The following SMIM8 variants were observed in gnomAD, a reference collection of about 807,000 sequenced individuals.
SMIM8 encodes the protein small integral membrane protein 8.
In SMIM8, 8 loss-of-function variants were observed where a neutral mutation model predicts 8.1. That is an observed-to-expected ratio of 0.99 (90% CI 0.58 to 1.78). SMIM8 has a LOEUF of 1.78. Among genes scored for constraint, SMIM8 ranks in the 40% most tolerant of loss-of-function variants. The probability of loss-of-function intolerance (pLI) is 0.00; values close to 1 mark genes in which losing one functional copy is unlikely to be tolerated. For synonymous variants in SMIM8, 45 were observed against 39.7 expected (o/e 1.13, Z -0.50); for missense variants, 126 against 119.8 (o/e 1.05, Z -0.24).
At position 87,342,045 on chromosome 6, in the gene SMIM8, A is replaced by G. The variant is rs569787782; in HGVS notation, c.*1771A>G. 5 of 152,382 alleles carry G rather than the reference A, an allele frequency of 3.3e-5. No homozygotes were observed. In the South Asian group the frequency reaches 1.0e-3, roughly 32 times the overall value. 9.4% of individuals were successfully genotyped at this position (152,382 alleles called of 1,614,324 possible). On this transcript the variant is annotated 3_prime_UTR_variant, in exon 4 of 4. Coordinates refer to ENST00000392863, the MANE Select transcript of SMIM8 (RefSeq NM_001042493.3). ...AGTGCAGGAGGGCAACAGAAACTGT[A>G]CAAGGTGCAGACTTGAGTCATGTAA...
intron 1 of SMIM8, among the ~76,000 whole-genome samples, chr6:87,326,399 C>T (rs1342408814): frequency 3.9e-5 from 6 of 151,960 alleles, no homozygotes; most frequent in East Asian, 1.9e-4. Context: ...ATCTTGTGGG[C>T]ATTTAGGGCT....
At chr6:87,334,193 C>CTTCA (rs904292429) in intron 2 of SMIM8, among the ~76,000 whole-genome samples, 1 of 152,190 alleles carries the variant, frequency 6.6e-6, no homozygotes, top group African/African-American at 2.4e-5. Flanking sequence ...CAGGCTCCAC[C>CTTCA]TTCAACACTG....
rs571748543 is a variant in SMIM8, at chr6:87,340,867, A to G, written c.*593A>G. The G allele has an allele frequency of 3.2e-5, 5 of 155,196 alleles. No homozygotes were observed. The South Asian group carries it at 1.0e-3, about 32-fold the overall frequency. 9.6% of individuals were successfully genotyped at this position (155,196 alleles called of 1,614,324 possible). Reference sequence around the variant, plus strand: ...ATTTTTGGGACAGAATTTTATTTTAATGGAAAAGATCCTTCCACTCAGCTA... The same window carrying G: ...ATTTTTGGGACAGAATTTTATTTTAGTGGAAAAGATCCTTCCACTCAGCTA... On this transcript the variant is annotated 3_prime_UTR_variant, in exon 4 of 4. Transcript: ENST00000392863.
At position 87,340,213 on chromosome 6, in the gene SMIM8, A is replaced by C. The variant is rs776674217; in HGVS notation, c.233A>C (p.Tyr78Ser). Reference sequence around the variant, plus strand: ...ATACAAGAGAATAAAAAGGACCTCTATGAAGCTATTGATAGTGAGGGGCAC... The same window carrying C: ...ATACAAGAGAATAAAAAGGACCTCTCTGAAGCTATTGATAGTGAGGGGCAC... ...HAIQENKKDL[Y>S]EAIDSEGHSY... is the part of the protein sequence containing the mutation. Residue 78 changes from tyrosine to serine, a missense_variant, in exon 4 of 4, where the codon TAT (tyrosine) becomes TCT (serine). Coordinates refer to ENST00000392863, the MANE Select transcript of SMIM8 (RefSeq NM_001042493.3). The C allele has an allele frequency of 6.2e-7, 1 of 1,611,794 alleles. No individual in the cohort carries two copies. Among genetic ancestry groups the C allele is most frequent in the Admixed American group, 1.7e-5 (1 of 59,524 alleles).
intron 1 of SMIM8, chr6:87,329,399 C>G (rs566350704): frequency 6.6e-6 from 1 of 152,440 alleles, no homozygotes. Flanking sequence ...CTCAGCCTCC[C>G]GAGGAGCTGG....
At chr6:87,330,199 A>T (rs1022160046) in intron 1 of SMIM8, among the ~76,000 whole-genome samples, 21 of 152,336 alleles carry the variant, frequency 1.4e-4, no homozygotes, top group African/African-American at 4.3e-4. Context: ...GTGAAACTAT[A>T]AAAAAGTGTA....
chr6:87,328,508 G>C (rs992506271), intron 1 of SMIM8, among the ~76,000 whole-genome samples: 2 of 151,660 alleles, frequency 1.3e-5, no homozygotes, highest in Non-Finnish European at 2.9e-5. Flanking sequence ...GGAGTACCCG[G>C]CCGTGTGAGG....
chr6:87,324,642 T>C (rs1776769858), intron 1 of SMIM8, among the ~76,000 whole-genome samples: 1 of 122,298 alleles, frequency 8.2e-6, no homozygotes, highest in Admixed American at 7.6e-5. Flanking sequence ...TCTGTTTTGG[T>C]ACCAGTACCA....
Position 87,340,354 on chromosome 6 carries a change from A to G in SMIM8, c.*80A>G, listed in dbSNP as rs969030131. 5 of 1,324,730 alleles carry G rather than the reference A, an allele frequency of 3.8e-6. No individual in the cohort carries two copies. The highest frequency in any genetic ancestry group is 4.9e-6 in the Non-Finnish European group (5 of 1,017,456). The allele number at this position is 1,324,730 out of a possible 1,614,324, so 82.1% of individuals were successfully genotyped here. A position where few individuals can be genotyped will look rare whatever the true frequency, so the allele number is the denominator to read the frequency against. On this transcript the variant is annotated 3_prime_UTR_variant, in exon 4 of 4. Coordinates refer to ENST00000392863, the MANE Select transcript of SMIM8 (RefSeq NM_001042493.3). ...AAAGACCTTGTGAGTGTACAGTATC[A>G]TGTTTCTTGTTCTAGAACATGCTAA...
chr6:87,337,084 A>G lies in SMIM8; in HGVS notation c.53A>G (p.Lys18Arg). ...PTFKKEPPKE[K>R]EFQSPGLRGV... ...TTCAAAAAGGAACCACCCAAAGAGA[A>G]AGAGTTTCAAAGCCCAGGGCTCAGA... The change falls in exon 3 of 4, where the codon AAA becomes AGA. Residue 18 changes from lysine to arginine, a missense_variant. Lys to Arg is a conservative substitution (Grantham distance 26). Transcript: ENST00000392863. 6.2e-7 allele frequency: 1 copy of G among 1,613,218 alleles called. No homozygotes were observed. Among genetic ancestry groups the G allele is most frequent in the Non-Finnish European group, 8.5e-7 (1 of 1,179,488 alleles).
intron 2 of SMIM8, among the ~76,000 whole-genome samples, chr6:87,336,534 G>A (rs767229166): frequency 1.3e-5 from 2 of 152,242 alleles, no homozygotes; most frequent in South Asian, 2.1e-4. Context: ...AGGAGCAGTG[G>A]GGGAAACTGG....
rs1777250143 is a variant in SMIM8, at chr6:87,342,111, C to T, written c.*1837C>T. On this transcript the variant is annotated 3_prime_UTR_variant, in exon 4 of 4. Transcript: ENST00000392863. ...ACCAAAGTAACTAGAGTCAGTCAAG[C>T]ACAAAGCTGTGAAAAGTAGTGTGTG... 6.6e-6 allele frequency: 1 copy of T among 152,086 alleles called. No individual in the cohort carries two copies. The highest frequency in any genetic ancestry group is 2.4e-5 in the African/African-American group (1 of 41,404). 9.4% of individuals were successfully genotyped at this position (152,086 alleles called of 1,614,324 possible).
At chr6:87,332,835 G>C (rs1777023744) in intron 2 of SMIM8, among the ~76,000 whole-genome samples, 1 of 127,686 alleles carries the variant, frequency 7.8e-6, no homozygotes, top group South Asian at 2.5e-4. Flanking sequence ...TCATGTAGTG[G>C]CACACTCTGA....
At position 87,337,044 on chromosome 6, in the gene SMIM8, C is replaced by G; in HGVS notation, c.13C>G (p.Pro5Ala). ...ATCATTGATCAAGATGTCTTCAGCA[C>G]CTGAGCCTCCAACATTCAAAAAGGA... is the stretch of plus-strand genomic sequence containing the variant. MSSAPEPPTFKKEPP... is the reference protein window; with the variant it reads MSSAAEPPTFKKEPP... The change falls in exon 3 of 4, where the codon CCT (proline) becomes GCT (alanine). Residue 5 changes from proline to alanine, a missense_variant. Pro to Ala is a conservative substitution (Grantham distance 27, BLOSUM62 -1). Coordinates refer to ENST00000392863, the MANE Select transcript of SMIM8 (RefSeq NM_001042493.3). The G allele has an allele frequency of 6.2e-7, 1 of 1,610,884 alleles. No homozygotes were observed.
intron 1 of SMIM8, among the ~76,000 whole-genome samples, chr6:87,324,949 G>T (rs531551869): frequency 6.6e-5 from 10 of 152,164 alleles, no homozygotes; most frequent in African/African-American, 1.9e-4. Context: ...ATTTCCTTGA[G>T]CAGTGGTTTG....
chr6:87,340,992 T>G lies in SMIM8; in HGVS notation c.*718T>G, dbSNP rs916126064. ...GAGGTATGATGATTTTGACTACAAC[T>G]AAATGTTATCTATTTTAGTGTTTAT... is the stretch of plus-strand genomic sequence containing the variant. On this transcript the variant is annotated 3_prime_UTR_variant, in exon 4 of 4. Coordinates refer to ENST00000392863, the MANE Select transcript of SMIM8 (RefSeq NM_001042493.3). The G allele has an allele frequency of 3.7e-6, 1 of 272,772 alleles. No individual in the cohort carries two copies. The highest frequency in any genetic ancestry group is 6.8e-6 in the Non-Finnish European group (1 of 148,090). The allele number at this position is 272,772 out of a possible 1,614,324, so 16.9% of individuals were successfully genotyped here.
chr6:87,327,932 T>A (rs555659794), intron 1 of SMIM8, among the ~76,000 whole-genome samples: 347 of 150,266 alleles, frequency 2.3e-3, no homozygotes, highest in Middle Eastern at 6.8e-3. Flanking sequence ...AGTCCCATAT[T>A]TCTTGGAGGC....
At position 87,341,363 on chromosome 6, in the gene SMIM8, C is replaced by T. The variant is rs1777229820; in HGVS notation, c.*1089C>T. 2.6e-6 allele frequency: 1 copy of T among 388,664 alleles called. No homozygotes were observed. 24.1% of individuals were successfully genotyped at this position (388,664 alleles called of 1,614,324 possible). ...CACTGGAGGTGAGAAGCAGAATGGC[C>T]TTGGTTGTCCTGGCACCTGGCCCAG... On this transcript the variant is annotated 3_prime_UTR_variant, in exon 4 of 4. Transcript: ENST00000392863.
At position 87,339,413 on chromosome 6, in the gene SMIM8, C is replaced by CGT. The variant is rs554628565; in HGVS notation, c.136-682_136-681dup. On this transcript the variant is annotated intron_variant, in intron 3 of 3. Coordinates refer to ENST00000392863, the MANE Select transcript of SMIM8 (RefSeq NM_001042493.3). The stretch of plus-strand genomic sequence containing the variant: ...ACCTCTTAACAACAACAAAACACAG[C>CGT]GTGTGTGTGTGTGTGTGTGTGTTTG... Among the ~76,000 whole-genome samples, 183 of 88,472 alleles carry CGT rather than the reference C, an allele frequency of 2.1e-3. 1 individual carries two copies. Among genetic ancestry groups the CGT allele is most frequent in the East Asian group, 0.012 (37 of 2,974 alleles). The allele number at this position is 88,472 out of a possible 152,430, so 58.0% of individuals were successfully genotyped here.
Sources: allele counts gnomAD v4.1 joint callset (sites outside exome capture counted in the v4.1 genomes callset), GRCh38; gene constraint gnomAD v4.1.1; transcripts MANE v1.5; gene names NCBI Gene and HGNC (gene_info 2026-07-23, HGNC 2026-07-21).